RORA: variants seen among roughly 807,000 people sequenced by gnomAD.
The protein encoded by RORA is RAR related orphan receptor A.
RORA carries 7 observed loss-of-function variants against 69.5 expected under a neutral mutation model. The ratio of observed to expected loss-of-function variants is 0.10; its 90% confidence interval spans 0.06 to 0.19. The LOEUF (loss-of-function observed/expected upper bound fraction) is 0.19. RORA is among the 10% of genes least tolerant of loss of function. RORA has a pLI of 1.00. For missense variants in RORA, 457 were observed against 663.0 expected, an observed-to-expected ratio of 0.69 and a Z score of 3.41; for synonymous variants, 261 against 240.8, an observed-to-expected ratio of 1.08 and a Z score of -0.78.
chr15:60,926,716 A>G (rs1229522853), intron 1 of RORA, among the ~76,000 whole-genome samples: 1 of 152,250 alleles, frequency 6.6e-6, no homozygotes, highest in Non-Finnish European at 1.5e-5. Flanking sequence ...ATTACTACAT[A>G]TCAGCTGAAT....
intron 1 of RORA, among the ~76,000 whole-genome samples, chr15:60,978,959 C>CCCTTTTTT (rs1423510527): frequency 2.0e-5 from 1 of 48,978 alleles, no homozygotes; most frequent in African/African-American, 7.3e-5. Flanking sequence ...TCCAACTTTG[C>CCCTTTTTT]TCTTTTTTTT....
At chr15:60,885,478 G>C (rs2073740577) in intron 1 of RORA, among the ~76,000 whole-genome samples, 1 of 152,196 alleles carries the variant, frequency 6.6e-6, no homozygotes, top group African/African-American at 2.4e-5. Flanking sequence ...GCCTAGCCCT[G>C]TCTGAATTCC....
chr15:60,902,545 G>T (rs748349686), intron 1 of RORA, among the ~76,000 whole-genome samples: 39 of 152,246 alleles, frequency 2.6e-4, no homozygotes, highest in Non-Finnish European at 4.3e-4. Context: ...GCTTGCCTCT[G>T]CTGTGAATCA....
At chr15:61,080,870 T>C (rs2078529294) in intron 1 of RORA, among the ~76,000 whole-genome samples, 1 of 152,178 alleles carries the variant, frequency 6.6e-6, no homozygotes, top group Non-Finnish European at 1.5e-5. Flanking sequence ...CTGGGAGCTG[T>C]TTCAGATTTT....
intron 1 of RORA, among the ~76,000 whole-genome samples, chr15:61,151,764 G>A (rs1026584628): frequency 6.6e-6 from 1 of 152,166 alleles, no homozygotes; most frequent in Non-Finnish European, 1.5e-5. Flanking sequence ...AGCTTATCAA[G>A]CATGTACTTT....
chr15:60,761,972 T>C (rs1595693891), intron 1 of RORA, among the ~76,000 whole-genome samples: 1 of 152,160 alleles, frequency 6.6e-6, no homozygotes, highest in African/African-American at 2.4e-5. Flanking sequence ...ATCAAGTTCT[T>C]GAGCACTTTT....
Position 60,799,924 on chromosome 15 carries a change from T to C in RORA, c.167-121238A>G, listed in dbSNP as rs2072555469. 3.9e-5 allele frequency among the ~76,000 whole-genome samples: 6 copies of C among 152,232 alleles called. No individual in the cohort carries two copies. In the South Asian group the frequency reaches 1.2e-3, roughly 32 times the overall value. ...CAGTGCCTCTATCTCTTCAAAATAA[T>C]AACAGAAATATTGCTAAGATCAAAT... On this transcript the variant is annotated intron_variant, in intron 1 of 10. Transcript: ENST00000335670.
chr15:60,773,290 T>C (rs1271171623), intron 1 of RORA, among the ~76,000 whole-genome samples: 1 of 152,210 alleles, frequency 6.6e-6, no homozygotes, highest in Non-Finnish European at 1.5e-5. Flanking sequence ...GGCTTTATCA[T>C]TCATAGTGAT....
At chr15:60,907,614 G>A (rs1312303024) in intron 1 of RORA, among the ~76,000 whole-genome samples, 1 of 152,224 alleles carries the variant, frequency 6.6e-6, no homozygotes, top group Non-Finnish European at 1.5e-5. Context: ...AACTTCACCT[G>A]TAATGTGCCT....
intron 1 of RORA, among the ~76,000 whole-genome samples, chr15:61,110,609 G>C (rs897446487): frequency 1.9e-4 from 29 of 152,074 alleles, no homozygotes; most frequent in African/African-American, 6.3e-4. Flanking sequence ...TTATAGGCGA[G>C]GACAGCTCAA....
chr15:60,629,417 TTGTC>T (rs71429569), intron 2 of RORA, among the ~76,000 whole-genome samples: 13,069 of 152,196 alleles, frequency 0.086, 613 homozygotes, highest in Non-Finnish European at 0.11. Context: ...TTATTCTTTA[TTGTC>T]TGTCTTTCTC....
At position 60,616,958 on chromosome 15, in the gene RORA, T is replaced by C. The variant is rs2069260572; in HGVS notation, c.196+61699A>G. On this transcript the variant is annotated intron_variant, in intron 2 of 10. Coordinates refer to ENST00000335670, the MANE Select transcript of RORA (RefSeq NM_134261.3). ...AGACTTGATGTACATGCTTTTACTA[T>C]GATGGGCAAGATTCATATAAAAGAC... Among the ~76,000 whole-genome samples, 2 of 152,224 alleles carry C rather than the reference T, an allele frequency of 1.3e-5. 1 individual carries two copies. The highest frequency in any genetic ancestry group is 1.3e-4 in the Admixed American group (2 of 15,284).
At chr15:60,771,536 C>G (rs1459118662) in intron 1 of RORA, among the ~76,000 whole-genome samples, 1 of 152,176 alleles carries the variant, frequency 6.6e-6, no homozygotes, top group East Asian at 1.9e-4. Context: ...CAAGGGATAC[C>G]TAGTGATAGA....
At chr15:61,192,123 G>T (rs1217752867) in intron 1 of RORA, among the ~76,000 whole-genome samples, 1 of 152,256 alleles carries the variant, frequency 6.6e-6, no homozygotes, top group Admixed American at 6.5e-5. Context: ...TGCTATTTAA[G>T]TAAGTGCCAA....
At chr15:60,965,959 C>T (rs570292867) in intron 1 of RORA, among the ~76,000 whole-genome samples, 50 of 152,232 alleles carry the variant, frequency 3.3e-4, no homozygotes, top group African/African-American at 1.2e-3. Context: ...CAGCCATAAC[C>T]AAGTAACCAT....
chr15:60,839,162 T>C (rs995185953), intron 1 of RORA, among the ~76,000 whole-genome samples: 7 of 152,136 alleles, frequency 4.6e-5, no homozygotes, highest in Non-Finnish European at 8.8e-5. Context: ...CCTCCCAAAG[T>C]GCTGCGATTA....
At chr15:61,099,142 G>A (rs1269827965) in intron 1 of RORA, among the ~76,000 whole-genome samples, 3 of 152,188 alleles carry the variant, frequency 2.0e-5, no homozygotes, top group Non-Finnish European at 4.4e-5. Flanking sequence ...ACAAAGGTAT[G>A]AAAGAATCAC....
chr15:60,785,133 A>G (rs976334338), intron 1 of RORA, among the ~76,000 whole-genome samples: 1 of 152,256 alleles, frequency 6.6e-6, no homozygotes, highest in African/African-American at 2.4e-5. Context: ...CCACTTGTAC[A>G]TTCATTACAG....
chr15:60,830,077 T>C (rs7164246), intron 1 of RORA, among the ~76,000 whole-genome samples: 2,058 of 152,362 alleles, frequency 0.014, 57 homozygotes, highest in African/African-American at 0.047. Flanking sequence ...TGAGGAGTCA[T>C]ACCATTTGTC....
Sources: allele counts gnomAD v4.1 joint callset (sites outside exome capture counted in the v4.1 genomes callset), GRCh38; gene constraint gnomAD v4.1.1; transcripts MANE v1.5; gene names NCBI Gene and HGNC (gene_info 2026-07-23, HGNC 2026-07-21).